Variants in TBC1D24 observed in about 807,000 individuals in gnomAD.
TBC1D24 encodes Infantile myoclonic epilepsy.
TBC1D24 carries 47 observed loss-of-function variants against 50.7 expected under a neutral mutation model. That is an observed-to-expected ratio of 0.93 (90% CI 0.73 to 1.18). TBC1D24 has a LOEUF of 1.18. Among genes scored for constraint, TBC1D24 ranks in the 50% most tolerant of loss-of-function variants. TBC1D24 has a pLI of 0.00. For synonymous variants in TBC1D24, 324 were observed against 335.2 expected (o/e 0.97, Z 0.36); for missense variants, 688 against 766.5 (o/e 0.90, Z 1.21).
chr16:2,487,515 T>G lies in TBC1D24; in HGVS notation c.-115-8519T>G, dbSNP rs1287126345. Among the ~76,000 whole-genome samples, 2 of 152,168 alleles carry G rather than the reference T, an allele frequency of 1.3e-5. No individual in the cohort carries two copies. The highest frequency in any genetic ancestry group is 4.8e-5 in the African/African-American group (2 of 41,428). ...ACATGAAAGAGAGTTTGTTTTCAAA[T>G]CCGGTTGTTTGGGAAAATCACATTC... On this transcript the variant is annotated intron_variant, in intron 1 of 7. Coordinates refer to ENST00000646147, the MANE Select transcript of TBC1D24 (RefSeq NM_001199107.2). This position sits in a 1 kb window ranked among gnomAD's most constrained non-coding sequence, Gnocchi z 4.1.
At position 2,486,453 on chromosome 16, in the gene TBC1D24, G is replaced by T. The variant is rs968158320; in HGVS notation, c.-115-9581G>T. On this transcript the variant is annotated intron_variant, in intron 1 of 7. Coordinates refer to ENST00000646147, the MANE Select transcript of TBC1D24 (RefSeq NM_001199107.2). This position sits in a 1 kb window ranked among gnomAD's most constrained non-coding sequence, Gnocchi z 5.8. ...CTGAGGTCCAGCCACACAGAACCCC[G>T]CGTCCTTGATAGCTTGTCAGCTGCT... Among the ~76,000 whole-genome samples the T allele has an allele frequency of 6.6e-6, 1 of 152,190 alleles. No homozygotes were observed. Among genetic ancestry groups the T allele is most frequent in the African/African-American group, 2.4e-5 (1 of 41,456 alleles).
chr16:2,496,861 AG>A lies in TBC1D24; in HGVS notation c.715del (p.Val239CysfsTer16), dbSNP rs2141872348. ...GACGTCTTCCTGGTGGAGGGCTACA[AG>A]GTGCTGTACCGCGTGGCGCTGGCCA... ...VFDVFLVEGYKVLYRVALAIL... is the reference protein window; with the variant it reads ...VFDVFLVEGYXVLYRVALAIL... On this transcript the variant is annotated frameshift_variant, in exon 2 of 8. Transcript: ENST00000646147. LOFTEE classifies it high-confidence loss of function. The A allele has an allele frequency of 6.2e-7, 1 of 1,614,086 alleles. No homozygotes were observed. The highest frequency in any genetic ancestry group is 1.6e-4 in the Middle Eastern group (1 of 6,062).
Position 2,496,207 on chromosome 16 carries a change from A to G in TBC1D24, c.59A>G (p.Gln20Arg). 1 of 1,613,968 alleles carries G rather than the reference A, an allele frequency of 6.2e-7. No individual in the cohort carries two copies. Among genetic ancestry groups the G allele is most frequent in the Non-Finnish European group, 8.5e-7 (1 of 1,180,014 alleles). ...VDKDKMDAAI[Q>R]DLGPKELSCT... ...AAAGACAAGATGGACGCTGCCATCC[A>G]GGACCTGGGGCCCAAGGAGCTGAGC... is the stretch of plus-strand genomic sequence containing the variant. Residue 20 changes from glutamine (Q) to arginine (R), a missense_variant, in exon 2 of 8, where the codon CAG becomes CGG. By Grantham distance (43) the Gln-to-Arg change is conservative. Coordinates refer to ENST00000646147, the MANE Select transcript of TBC1D24 (RefSeq NM_001199107.2).
chr16:2,489,730 G>T (rs2141863361), intron 1 of TBC1D24, among the ~76,000 whole-genome samples: 1 of 152,304 alleles, frequency 6.6e-6, no homozygotes. Flanking sequence ...CTGGGACCGT[G>T]ATGTCCCAGG....
At chr16:2,490,649 T>C (rs534289634) in intron 1 of TBC1D24, among the ~76,000 whole-genome samples, 2 of 152,316 alleles carry the variant, frequency 1.3e-5, no homozygotes, top group South Asian at 4.1e-4. Context: ...GCTTGGGAAC[T>C]GTTGCCCGTG....
In TBC1D24 at chr16:2,497,114, G is replaced by A. The variant is rs1390045914; in HGVS notation, c.965+1G>A. ...AGGGCATCACCGTGAAGCAGAAGAGGTAGGTCGCCGGCAGCCTGTGAGGGG... is the reference window on the plus strand; with the variant it reads ...AGGGCATCACCGTGAAGCAGAAGAGATAGGTCGCCGGCAGCCTGTGAGGGG... On this transcript the variant is annotated splice_donor_variant, in intron 2 of 7. Transcript: ENST00000646147. LOFTEE classifies it high-confidence loss of function. 4 of 1,600,812 alleles carry A rather than the reference G, an allele frequency of 2.5e-6. No individual in the cohort carries two copies. Among genetic ancestry groups the A allele is most frequent in the South Asian group, 1.1e-5 (1 of 91,068 alleles).
At chr16:2,492,067 T>C (rs2065699702) in intron 1 of TBC1D24, among the ~76,000 whole-genome samples, 1 of 150,352 alleles carries the variant, frequency 6.7e-6, no homozygotes. Flanking sequence ...CTTGAACTCC[T>C]GGGCTGAAGT....
intron 1 of TBC1D24, among the ~76,000 whole-genome samples, chr16:2,489,069 C>CAA (rs60594657): frequency 9.9e-5 from 9 of 90,814 alleles, no homozygotes; most frequent in South Asian, 3.4e-4. Context: ...GACTCCTTCT[C>CAA]AAAAAAAAAA....
intron 1 of TBC1D24, among the ~76,000 whole-genome samples, chr16:2,495,462 A>G (rs780436421): frequency 6.6e-6 from 1 of 152,182 alleles, no homozygotes; most frequent in African/African-American, 2.4e-5. Context: ...CCTGGAGAGC[A>G]TAGCGAGACC....
chr16:2,500,718 G>A lies in TBC1D24; in HGVS notation c.1526-86G>A. ...GTGCGGTTTCAGAGAGGCCCGTGCA[G>A]GGCAGGACAGCTGGGACAGCAGGTG... On this transcript the variant is annotated intron_variant, in intron 7 of 7. Coordinates refer to ENST00000646147, the MANE Select transcript of TBC1D24 (RefSeq NM_001199107.2). This position sits in a 1 kb window ranked among gnomAD's most constrained non-coding sequence, Gnocchi z 8.0. 1 of 1,511,406 alleles carries A rather than the reference G, an allele frequency of 6.6e-7. No homozygotes were observed. The allele number at this position is 1,511,406 out of a possible 1,614,324, so 93.6% of individuals were successfully genotyped here.
intron 4 of TBC1D24, 93 bp downstream of exon 4, chr16:2,498,489 TG>T (rs1479237789): frequency 1.6e-5 from 20 of 1,234,746 alleles, no homozygotes; most frequent in African/African-American, 3.0e-5. Context: ...CCTCGGCACC[TG>T]GTGAGGCCCT....
In TBC1D24 at chr16:2,500,522, G is replaced by A; in HGVS notation, c.1525+32G>A. 1 of 1,537,494 alleles carries A rather than the reference G, an allele frequency of 6.5e-7. No homozygotes were observed. Among genetic ancestry groups the A allele is most frequent in the Non-Finnish European group, 8.8e-7 (1 of 1,142,036 alleles). On this transcript the variant is annotated intron_variant, in intron 7 of 7. Coordinates refer to ENST00000646147, the MANE Select transcript of TBC1D24 (RefSeq NM_001199107.2). This position sits in a 1 kb window ranked among gnomAD's most constrained non-coding sequence, Gnocchi z 8.0. ...GCCAGCAGACGGGGCTCTGGGATGA[G>A]GGTGTGGGGTCCGGGCAGCTGAAGC...
intron 1 of TBC1D24, among the ~76,000 whole-genome samples, chr16:2,495,607 G>A (rs1218837466): frequency 6.6e-6 from 1 of 152,186 alleles, no homozygotes; most frequent in Non-Finnish European, 1.5e-5. Context: ...GTGAAACCCT[G>A]TCTCTAGTAA....
At position 2,501,273 on chromosome 16, in the gene TBC1D24, G is replaced by C. The variant is rs1376811387; in HGVS notation, c.*315G>C. 5 of 432,830 alleles carry C rather than the reference G, an allele frequency of 1.2e-5. No homozygotes were observed. The highest frequency in any genetic ancestry group is 2.1e-5 in the Non-Finnish European group (5 of 233,602). The allele number at this position is 432,830 out of a possible 1,614,324, so 26.8% of individuals were successfully genotyped here. On this transcript the variant is annotated 3_prime_UTR_variant, in exon 8 of 8. Transcript: ENST00000646147. Reference sequence around the variant, plus strand: ...ATAGCCCAAGGCCTTGGGAGTGTCTGGGTCTTGCTGCCCCTGAGCCTCTCT... The same window carrying C: ...ATAGCCCAAGGCCTTGGGAGTGTCTCGGTCTTGCTGCCCCTGAGCCTCTCT...
chr16:2,501,244 T>C lies in TBC1D24; in HGVS notation c.*286T>C. On this transcript the variant is annotated 3_prime_UTR_variant, in exon 8 of 8. Transcript: ENST00000646147. ...AAGTACCTTCCTCCTCCGTGGAGGCTTCCATAGCCCAAGGCCTTGGGAGTG... is the reference window on the plus strand; with the variant it reads ...AAGTACCTTCCTCCTCCGTGGAGGCCTCCATAGCCCAAGGCCTTGGGAGTG... The C allele has an allele frequency of 2.0e-6, 1 of 505,590 alleles. No homozygotes were observed. The highest frequency in any genetic ancestry group is 3.6e-6 in the Non-Finnish European group (1 of 276,986). 31.3% of individuals were successfully genotyped at this position (505,590 alleles called of 1,614,324 possible).
intron 1 of TBC1D24, chr16:2,484,164 C>T (rs2065631702): frequency 6.6e-6 from 1 of 152,266 alleles, no homozygotes; most frequent in African/African-American, 2.4e-5. Context: ...CTCCCCACCT[C>T]ACCACCCCCA....
chr16:2,496,596 G>C lies in TBC1D24; in HGVS notation c.448G>C (p.Glu150Gln). The change falls in exon 2 of 8, where the codon GAG becomes CAG. Residue 150 changes from glutamate to glutamine, a missense_variant. Transcript: ENST00000646147. ...GCTGCACTACAGCATCGACGAGGCC[G>C]AGTGCTTCGAGAAGGCCTGCCGCAT... Reference protein sequence around the residue: ...LLLHYSIDEAECFEKACRILA... With the variant: ...LLLHYSIDEAQCFEKACRILA... The C allele has an allele frequency of 2.5e-6, 4 of 1,609,932 alleles. No individual in the cohort carries two copies. The highest frequency in any genetic ancestry group is 3.4e-6 in the Non-Finnish European group (4 of 1,180,018).
At position 2,475,451 on chromosome 16, in the gene TBC1D24, C is replaced by T. The variant is rs2065558643; in HGVS notation, c.-116+281C>T. Among the ~76,000 whole-genome samples the T allele has an allele frequency of 1.3e-5, 2 of 151,720 alleles. No individual in the cohort carries two copies. ...CCCGCCCGGTCGCTGGCCCGCGGCCCGGCCCAGGGCATGGTGTCGTCTGGA... is the reference window on the plus strand; with the variant it reads ...CCCGCCCGGTCGCTGGCCCGCGGCCTGGCCCAGGGCATGGTGTCGTCTGGA... On this transcript the variant is annotated intron_variant, in intron 1 of 7. Transcript: ENST00000646147. This position sits in a 1 kb window ranked among gnomAD's most constrained non-coding sequence, Gnocchi z 4.2.
chr16:2,498,431 C>A, intron 4 of TBC1D24, 35 bp downstream of exon 4: 1 of 1,573,092 alleles, frequency 6.4e-7, no homozygotes, highest in Non-Finnish European at 8.6e-7. Flanking sequence ...GGCGGCAGAG[C>A]CGCCCAGCCA....
Sources: allele counts gnomAD v4.1 joint callset (sites outside exome capture counted in the v4.1 genomes callset), GRCh38; gene constraint gnomAD v4.1.1; non-coding constraint Gnocchi (gnomAD v3.1); transcripts MANE v1.5; gene names NCBI Gene and HGNC (gene_info 2026-07-23, HGNC 2026-07-21).